The following AKAP12 variants were observed in gnomAD, a reference collection of about 807,000 sequenced individuals.
The protein encoded by AKAP12 is A-kinase anchor protein 12.
Under a neutral mutation model 79.9 loss-of-function variants are expected in AKAP12, and 32 were observed. That is an observed-to-expected ratio of 0.40 (90% confidence interval 0.30 to 0.54). The LOEUF is 0.54. AKAP12 is among the 20% of genes least tolerant of loss of function. The pLI, the probability that AKAP12 is intolerant of heterozygous loss-of-function variation, is 0.48. For synonymous variants in AKAP12, 808 were observed against 857.0 expected (o/e 0.94, Z 1.00); for missense variants, 2,074 against 2,177.0 (o/e 0.95, Z 0.94).
intron 2 of AKAP12, among the ~76,000 whole-genome samples, chr6:151,298,402 T>C (rs538415228): frequency 6.6e-6 from 1 of 152,120 alleles, no homozygotes; most frequent in Non-Finnish European, 1.5e-5. Context: ...TGAGAACAAA[T>C]AGTATAACAA....
chr6:151,351,271 CCGGGGCGACA>C lies in AKAP12; in HGVS notation c.2884_2893del (p.Gly962SerfsTer7), dbSNP rs1562754636. On this transcript the variant is annotated frameshift_variant, in exon 4 of 5. Coordinates refer to ENST00000402676, the MANE Select transcript of AKAP12 (RefSeq NM_005100.4). LOFTEE classifies it high-confidence loss of function. This position sits in a 1 kb window ranked among gnomAD's most constrained non-coding sequence, Gnocchi z 4.4. Reference sequence around the variant, plus strand: ...AACCTCTGCCAGAGAACAGAGAGGCCCGGGGCGACACGGTCGTTAGTGAGGCGGAATTGAC... The same window carrying C: ...AACCTCTGCCAGAGAACAGAGAGGCCCGGTCGTTAGTGAGGCGGAATTGAC... 1 of 1,614,138 alleles carries C rather than the reference CCGGGGCGACA, an allele frequency of 6.2e-7. No homozygotes were observed.
Position 151,350,282 on chromosome 6 carries a change from AAAG to A in AKAP12, c.1896_1898del (p.Glu632del), listed in dbSNP as rs1271826827. ...TGTTAGACGGCCTTCGGAAAGTGATAAAGAAGATGAGCTGGACAAGGTCAAGAG... is the reference window on the plus strand; with the variant it reads ...TGTTAGACGGCCTTCGGAAAGTGATAAAGATGAGCTGGACAAGGTCAAGAG... On this transcript the variant is annotated inframe_deletion, in exon 4 of 5. Coordinates refer to ENST00000402676, the MANE Select transcript of AKAP12 (RefSeq NM_005100.4). This position sits in a 1 kb window ranked among gnomAD's most constrained non-coding sequence, Gnocchi z 4.8. The A allele has an allele frequency of 1.4e-5, 22 of 1,613,954 alleles. No individual in the cohort carries two copies. The highest frequency in any genetic ancestry group is 2.2e-5 in the East Asian group (1 of 44,874).
intron 2 of AKAP12, among the ~76,000 whole-genome samples, chr6:151,255,646 C>T (rs1398648506): frequency 6.6e-6 from 1 of 151,960 alleles, no homozygotes; most frequent in Non-Finnish European, 1.5e-5. Context: ...AGAAATTAGC[C>T]AAGCATGGTG....
At chr6:151,345,932 T>TGTGTGAGAGAGAGAGAGAGAGA (rs1349850485) in intron 3 of AKAP12, among the ~76,000 whole-genome samples, 1 of 101,442 alleles carries the variant, frequency 9.9e-6, no homozygotes, top group African/African-American at 4.3e-5. Flanking sequence ...TGTGTGTGTG[T>TGTGTGAGAGAGAGAGAGAGAGA]GAGAGAGAGA....
chr6:151,348,741 A>G lies in AKAP12; in HGVS notation c.350A>G (p.Lys117Arg). The G allele has an allele frequency of 7.3e-7, 1 of 1,364,580 alleles. No homozygotes were observed. Among genetic ancestry groups the G allele is most frequent in the Non-Finnish European group, 9.7e-7 (1 of 1,030,388 alleles). 84.5% of individuals were successfully genotyped at this position (1,364,580 alleles called of 1,614,324 possible). The change falls in exon 4 of 5, where the codon AAA becomes AGA. Residue 117 changes from lysine to arginine, a missense_variant. By Grantham distance (26) the Lys-to-Arg change is conservative. Transcript: ENST00000402676. The part of the protein sequence containing the change: ...VGQRDSEDVS[K>R]RDSDKEMATK... Reference sequence around the variant, plus strand: ...CAGAGAGACTCTGAAGATGTGAGCAAAAGAGACTCCGATAAAGAGATGGCT... The same window carrying G: ...CAGAGAGACTCTGAAGATGTGAGCAGAAGAGACTCCGATAAAGAGATGGCT...
At position 151,325,324 on chromosome 6, in the gene AKAP12, T is replaced by A. The variant is rs983411148; in HGVS notation, c.319+19421T>A. On this transcript the variant is annotated intron_variant, in intron 3 of 4. Coordinates refer to ENST00000402676, the MANE Select transcript of AKAP12 (RefSeq NM_005100.4). Reference sequence around the variant, plus strand: ...TTTACTGTCTGTGTGGCTATTTCCTTGAAATGACTTAAAAAGCTGAGATAC... The same window carrying A: ...TTTACTGTCTGTGTGGCTATTTCCTAGAAATGACTTAAAAAGCTGAGATAC... The A allele has an allele frequency of 4.1e-6, 4 of 985,302 alleles. No homozygotes were observed. In the African/African-American group the frequency reaches 7.0e-5, roughly 17 times the overall value. 61.0% of individuals were successfully genotyped at this position (985,302 alleles called of 1,614,324 possible). A position where few individuals can be genotyped will look rare whatever the true frequency, so the allele number is the denominator to read the frequency against.
chr6:151,330,598 C>A (rs1370279976), intron 3 of AKAP12, among the ~76,000 whole-genome samples: 1 of 152,066 alleles, frequency 6.6e-6, no homozygotes, highest in African/African-American at 2.4e-5. Flanking sequence ...GAAAAATGAA[C>A]ATGTCGTTTC....
Position 151,240,547 on chromosome 6 carries a change from G to C in AKAP12, c.-16G>C, listed in dbSNP as rs975589723. ...CGTAACCCGGCGGCTAGGCGCGGGA[G>C]AAGTGCGGAGGAGCCATGGGCGCCG... On this transcript the variant is annotated 5_prime_UTR_variant, in exon 2 of 5. Coordinates refer to ENST00000402676, the MANE Select transcript of AKAP12 (RefSeq NM_005100.4). The C allele has an allele frequency of 9.1e-6, 13 of 1,432,022 alleles. No homozygotes were observed. In the African/African-American group the frequency reaches 1.8e-4, roughly 20 times the overall value. 88.7% of individuals were successfully genotyped at this position (1,432,022 alleles called of 1,614,324 possible). A position where few individuals can be genotyped will look rare whatever the true frequency, so the allele number is the denominator to read the frequency against.
chr6:151,288,063 G>T (rs1183916402), intron 2 of AKAP12, among the ~76,000 whole-genome samples: 1 of 151,922 alleles, frequency 6.6e-6, no homozygotes, highest in African/African-American at 2.4e-5. Flanking sequence ...GGGGCCTGTT[G>T]GGGAGTGGGG....
chr6:151,252,756 AT>A (rs1797209680), intron 2 of AKAP12, among the ~76,000 whole-genome samples: 1 of 148,390 alleles, frequency 6.7e-6, no homozygotes, highest in Admixed American at 6.7e-5. Context: ...AAAAAAAAAG[AT>A]GAGAAAACGA....
At chr6:151,321,888 G>T (rs1171579312) in intron 3 of AKAP12, among the ~76,000 whole-genome samples, 1 of 140,652 alleles carries the variant, frequency 7.1e-6, no homozygotes, top group East Asian at 2.0e-4. Context: ...TTTAAACCAG[G>T]CACATCAGCT....
chr6:151,275,897 C>T (rs17679219), intron 2 of AKAP12, among the ~76,000 whole-genome samples: 21,509 of 152,200 alleles, frequency 0.14, 1,711 homozygotes, highest in Middle Eastern at 0.22. Context: ...TTGAATACCT[C>T]GTTGATCTGG....
chr6:151,295,743 C>T (rs1336487102), intron 2 of AKAP12, among the ~76,000 whole-genome samples: 2 of 152,188 alleles, frequency 1.3e-5, no homozygotes, highest in African/African-American at 4.8e-5. Flanking sequence ...AGCTCCTACT[C>T]GGCAGTTGGT....
chr6:151,288,574 A>G (rs1358301919), intron 2 of AKAP12, among the ~76,000 whole-genome samples: 1 of 152,196 alleles, frequency 6.6e-6, no homozygotes, highest in Non-Finnish European at 1.5e-5. Context: ...TCCAAACAAT[A>G]GGTGCTAAAA....
At chr6:151,287,276 C>T (rs1776525233) in intron 2 of AKAP12, among the ~76,000 whole-genome samples, 1 of 149,862 alleles carries the variant, frequency 6.7e-6, no homozygotes, top group African/African-American at 2.5e-5. Context: ...TTTTATTTTT[C>T]TGAGACGGGG....
chr6:151,352,247 G>A lies in AKAP12; in HGVS notation c.3856G>A (p.Gly1286Arg), dbSNP rs73620932. 151 of 1,614,158 alleles carry A rather than the reference G, an allele frequency of 9.4e-5. No individual in the cohort carries two copies. The African/African-American group carries it at 1.5e-3, about 16-fold the overall frequency. Reference sequence around the variant, plus strand: ...CGTACCATTTTTCGAAGGACTTGAGGGGTCTATAGACACAGGCATAACAGT... The same window carrying A: ...CGTACCATTTTTCGAAGGACTTGAGAGGTCTATAGACACAGGCATAACAGT... Reference protein sequence around the residue: ...KDVPFFEGLEGSIDTGITVSR... With the variant: ...KDVPFFEGLERSIDTGITVSR... The change falls in exon 4 of 5, where the codon GGG becomes AGG. Residue 1286 changes from glycine to arginine, a missense_variant. By Grantham distance (125) the Gly-to-Arg change is moderately radical (BLOSUM62 -2). Transcript: ENST00000402676.
chr6:151,294,183 A>G (rs1310465355), intron 2 of AKAP12, among the ~76,000 whole-genome samples: 1 of 152,162 alleles, frequency 6.6e-6, no homozygotes, highest in Non-Finnish European at 1.5e-5. Context: ...CATGTTGGCC[A>G]GGATGGTCTG....
chr6:151,280,782 A>G (rs1470054687), intron 2 of AKAP12, among the ~76,000 whole-genome samples: 1 of 151,706 alleles, frequency 6.6e-6, no homozygotes, highest in African/African-American at 2.4e-5. Flanking sequence ...CTAGGACTAC[A>G]GTTGTAGGCC....
intron 3 of AKAP12, chr6:151,319,905 C>G (rs139544276): frequency 2.3e-4 from 35 of 152,504 alleles, no homozygotes; most frequent in African/African-American, 7.5e-4. Context: ...GGCATCGATT[C>G]TCTGTTCTAT....
Sources: allele counts gnomAD v4.1 joint callset (sites outside exome capture counted in the v4.1 genomes callset), GRCh38; gene constraint gnomAD v4.1.1; non-coding constraint Gnocchi (gnomAD v3.1); transcripts MANE v1.5; gene names NCBI Gene and HGNC (gene_info 2026-07-23, HGNC 2026-07-21).